CNTNAP2: variants seen among roughly 807,000 people sequenced by gnomAD.
CNTNAP2 encodes the protein contactin associated protein 2.
CNTNAP2 carries 98 observed loss-of-function variants against 155.2 expected under a neutral mutation model. That is an observed-to-expected ratio of 0.63 (90% CI 0.54 to 0.75). The LOEUF (loss-of-function observed/expected upper bound fraction) is 0.75. Among genes scored for constraint, CNTNAP2 ranks in the 30% least tolerant of loss-of-function variants. The probability of loss-of-function intolerance (pLI) is 0.00; values close to 1 mark genes in which losing one functional copy is unlikely to be tolerated. For missense variants in CNTNAP2, 1,727 were observed against 1,688.1 expected, an observed-to-expected ratio of 1.02 and a Z score of -0.40; for synonymous variants, 651 against 631.2, an observed-to-expected ratio of 1.03 and a Z score of -0.47.
chr7:146,660,128 A>G (rs10232167), intron 1 of CNTNAP2, among the ~76,000 whole-genome samples: 126,543 of 152,032 alleles, frequency 0.83, 53,258 homozygotes, highest in African/African-American at 0.92. Context: ...TAAAGACTTG[A>G]ATGGTAATAA....
intron 21 of CNTNAP2, among the ~76,000 whole-genome samples, chr7:148,330,701 T>C (rs1487870921): frequency 4.2e-5 from 6 of 143,534 alleles, no homozygotes; most frequent in Non-Finnish European, 7.6e-5. Flanking sequence ...AGTGGACGGA[T>C]GGAGTGGGTG....
At chr7:147,292,641 A>G (rs1332726899) in intron 8 of CNTNAP2, among the ~76,000 whole-genome samples, 1 of 152,168 alleles carries the variant, frequency 6.6e-6, no homozygotes, top group Non-Finnish European at 1.5e-5. Context: ...AATGACTCTC[A>G]TGTGCAGACA....
chr7:147,762,543 G>A (rs1221952068), intron 13 of CNTNAP2, among the ~76,000 whole-genome samples: 2 of 151,882 alleles, frequency 1.3e-5, no homozygotes, highest in African/African-American at 2.4e-5. Flanking sequence ...GCCATTTCCA[G>A]ATGCTTTTTT....
intron 13 of CNTNAP2, chr7:147,831,943 T>A (rs1369147982): frequency 2.0e-5 from 3 of 152,202 alleles, no homozygotes; most frequent in Non-Finnish European, 4.4e-5. Flanking sequence ...CTGTTACACA[T>A]GGCATACCTG....
At chr7:147,977,825 C>G (rs988292791) in intron 14 of CNTNAP2, 37 bp from the exon 15 acceptor site, 1 of 1,613,470 alleles carries the variant, frequency 6.2e-7, no homozygotes, top group African/African-American at 1.3e-5. Context: ...TCTAATGCAG[C>G]CTCCTCATTC....
intron 1 of CNTNAP2, among the ~76,000 whole-genome samples, chr7:146,230,508 C>A (rs747565963): frequency 2.6e-5 from 4 of 152,070 alleles, no homozygotes; most frequent in Non-Finnish European, 4.4e-5. Context: ...TATTTTCTTT[C>A]TTTGCATGGG....
chr7:147,021,117 C>A (rs1798810590), intron 3 of CNTNAP2, among the ~76,000 whole-genome samples: 2 of 152,154 alleles, frequency 1.3e-5, no homozygotes, highest in Non-Finnish European at 2.9e-5. Context: ...CCAGGGTACG[C>A]AGGCTGCATG....
chr7:146,598,084 A>G (rs541982013), intron 1 of CNTNAP2, among the ~76,000 whole-genome samples: 5 of 152,196 alleles, frequency 3.3e-5, no homozygotes, highest in Admixed American at 3.3e-4. Flanking sequence ...ACTCTGTTTA[A>G]TCATGGAGGC....
At position 148,409,652 on chromosome 7, in the gene CNTNAP2, C is replaced by G. The variant is rs752864196; in HGVS notation, c.3796+181C>G. Among the ~76,000 whole-genome samples, 82 of 151,924 alleles carry G rather than the reference C, an allele frequency of 5.4e-4. 1 individual carries two copies. The highest frequency in any genetic ancestry group is 4.9e-4 in the Non-Finnish European group (33 of 67,982). On this transcript the variant is annotated intron_variant, in intron 23 of 23. Transcript: ENST00000361727. ...GTAAATATAGCCGGGCACAGTGGCTCACCTCTGTTATCCTAGCACTTTGGG... is the reference window on the plus strand; with the variant it reads ...GTAAATATAGCCGGGCACAGTGGCTGACCTCTGTTATCCTAGCACTTTGGG...
chr7:146,882,513 C>T (rs1795573654), intron 3 of CNTNAP2, among the ~76,000 whole-genome samples: 1 of 149,238 alleles, frequency 6.7e-6, no homozygotes, highest in Non-Finnish European at 1.5e-5. Context: ...TTTCCCCCCT[C>T]TTCACCCTGC....
At chr7:147,422,813 C>T (rs995249002) in intron 10 of CNTNAP2, among the ~76,000 whole-genome samples, 43 of 152,120 alleles carry the variant, frequency 2.8e-4, no homozygotes, top group Non-Finnish European at 1.5e-5. Flanking sequence ...TTTTTCAAAA[C>T]CCTTTAAATA....
chr7:147,444,967 G>A (rs1245799235), intron 10 of CNTNAP2, among the ~76,000 whole-genome samples: 1 of 152,092 alleles, frequency 6.6e-6, no homozygotes, highest in Non-Finnish European at 1.5e-5. Context: ...TTCACATGGT[G>A]GAAGGAGAGA....
chr7:147,103,501 A>G (rs550257432), intron 4 of CNTNAP2, among the ~76,000 whole-genome samples: 1 of 152,204 alleles, frequency 6.6e-6, no homozygotes, highest in African/African-American at 2.4e-5. Context: ...GTGACTTGGT[A>G]TTTATTTGCA....
At chr7:147,155,886 C>T (rs917901717) in intron 8 of CNTNAP2, among the ~76,000 whole-genome samples, 2 of 152,078 alleles carry the variant, frequency 1.3e-5, no homozygotes, top group African/African-American at 4.8e-5. Flanking sequence ...GATCAGACCT[C>T]TGAGTACAGG....
chr7:147,312,647 A>C (rs34973631), intron 9 of CNTNAP2, among the ~76,000 whole-genome samples: 34,453 of 102,318 alleles, frequency 0.34, 9,187 homozygotes, highest in African/African-American at 0.49. Flanking sequence ...ACATTTTCTT[A>C]ATCCAGTCTA....
chr7:146,949,448 T>G (rs1005142167), intron 3 of CNTNAP2, among the ~76,000 whole-genome samples: 1 of 152,176 alleles, frequency 6.6e-6, no homozygotes, highest in African/African-American at 2.4e-5. Context: ...CTGGTAAACC[T>G]CTATGGTCCT....
intron 9 of CNTNAP2, among the ~76,000 whole-genome samples, chr7:147,366,701 T>C (rs2116906116): frequency 6.6e-6 from 1 of 152,220 alleles, no homozygotes; most frequent in African/African-American, 2.4e-5. Context: ...TTTAGTTATG[T>C]TCAGTATCTT....
chr7:146,340,520 A>G (rs944363411), intron 1 of CNTNAP2, among the ~76,000 whole-genome samples: 1 of 152,108 alleles, frequency 6.6e-6, no homozygotes, highest in Non-Finnish European at 1.5e-5. Context: ...TAAAAATAGT[A>G]TAAATATGTA....
At chr7:148,038,525 C>T (rs78915818) in intron 15 of CNTNAP2, among the ~76,000 whole-genome samples, 1 of 152,156 alleles carries the variant, frequency 6.6e-6, no homozygotes, top group South Asian at 2.1e-4. Flanking sequence ...CTCAGTCACA[C>T]CTTTTTTGCC....
Sources: allele counts gnomAD v4.1 joint callset (sites outside exome capture counted in the v4.1 genomes callset), GRCh38; gene constraint gnomAD v4.1.1; transcripts MANE v1.5; gene names NCBI Gene and HGNC (gene_info 2026-07-23, HGNC 2026-07-21).